The following POM121C variants were observed in gnomAD, a reference collection of about 807,000 sequenced individuals.
POM121C encodes POM121 transmembrane nucleoporin C.
A neutral mutation model predicts 66.4 loss-of-function variants in POM121C; 20 were observed. The ratio of observed to expected loss-of-function variants is 0.30; its 90% CI spans 0.21 to 0.44. The LOEUF is 0.44. POM121C is among the 20% of genes least tolerant of loss of function. POM121C has a pLI of 1.00. For synonymous variants in POM121C, 286 were observed against 528.0 expected (o/e 0.54, Z 6.28); for missense variants, 580 against 1,225.7 (o/e 0.47, Z 7.87).
intron 7 of POM121C, among the ~76,000 whole-genome samples, chr7:75,428,235 G>C (rs1278311568): frequency 6.6e-6 from 1 of 152,068 alleles, no homozygotes; most frequent in Non-Finnish European, 1.5e-5. Flanking sequence ...CGCCTCCCTG[G>C]TTCAAGCGAT....
At chr7:75,483,781 T>C (rs1368778423) in intron 1 of POM121C, among the ~76,000 whole-genome samples, 9 of 152,072 alleles carry the variant, frequency 5.9e-5, no homozygotes, top group Non-Finnish European at 1.2e-4. Context: ...TACAGGATAA[T>C]GTCTATTTCC....
At position 75,473,879 on chromosome 7, in the gene POM121C, G is replaced by A. The variant is rs587656557; in HGVS notation, c.-152+825C>T. 8.6e-4 allele frequency among the ~76,000 whole-genome samples: 131 copies of A among 151,862 alleles called. 1 individual carries two copies. The highest frequency in any genetic ancestry group is 2.5e-3 in the East Asian group (13 of 5,120). Reference sequence around the variant, plus strand: ...AATTTTTTGTATTTTTAGTAGAGACGGGGTTTCACCGTTTTAGCCGGGATG... The same window carrying A: ...AATTTTTTGTATTTTTAGTAGAGACAGGGTTTCACCGTTTTAGCCGGGATG... On this transcript the variant is annotated intron_variant, in intron 3 of 14. Transcript: ENST00000615331.
chr7:75,469,340 CT>C (rs1791789544), intron 3 of POM121C, among the ~76,000 whole-genome samples: 1 of 152,236 alleles, frequency 6.6e-6, no homozygotes, highest in East Asian at 1.9e-4. Flanking sequence ...TCAAGTGATC[CT>C]CCTGCCTTGG....
rs1445894988 is a variant in POM121C, at chr7:75,441,045, T to G, written c.136A>C (p.Thr46Pro). 2 of 1,613,818 alleles carry G rather than the reference T, an allele frequency of 1.2e-6. No homozygotes were observed. Among genetic ancestry groups the G allele is most frequent in the African/African-American group, 1.3e-5 (1 of 74,888 alleles). ...TTCTCTTTGAGGGCACTCAGTACAG[T>G]CTCCTTTGCACATGGGTCTGGGGCA... ...SNAPDPCAKE[T>P]VLSALKEKKK... The change falls in exon 5 of 15, where the codon ACT (threonine) becomes CCT (proline). Residue 46 changes from threonine (T) to proline (P), a missense_variant. Thr to Pro is a conservative substitution (Grantham distance 38). Transcript: ENST00000615331.
chr7:75,451,902 C>G (rs1370453669), intron 3 of POM121C, among the ~76,000 whole-genome samples: 2 of 150,484 alleles, frequency 1.3e-5, no homozygotes, highest in South Asian at 2.1e-4. Context: ...CACGATGGCT[C>G]ACGTCTGTAA....
chr7:75,442,208 A>G, intron 3 of POM121C: 1 of 1,337,936 alleles, frequency 7.5e-7, no homozygotes, highest in East Asian at 3.2e-5. Flanking sequence ...AAAGTGGTGA[A>G]CGCGATGGGT....
intron 3 of POM121C, among the ~76,000 whole-genome samples, chr7:75,470,870 G>A (rs1474823488): frequency 6.6e-6 from 1 of 152,146 alleles, no homozygotes; most frequent in Non-Finnish European, 1.5e-5. Flanking sequence ...CTGGGCTCAA[G>A]TGATCTGCCC....
chr7:75,458,755 A>G (rs1554476640), intron 3 of POM121C, among the ~76,000 whole-genome samples: 1 of 152,138 alleles, frequency 6.6e-6, no homozygotes, highest in East Asian at 1.9e-4. Context: ...CCAGGATAAA[A>G]TTAAAACTTA....
chr7:75,478,413 GA>G (rs1415863179), intron 1 of POM121C, among the ~76,000 whole-genome samples: 2 of 151,756 alleles, frequency 1.3e-5, no homozygotes, highest in African/African-American at 4.8e-5. Flanking sequence ...GATGTGAGGA[GA>G]AAGAGTTGTG....
rs587666152 is a variant in POM121C, at chr7:75,423,957, T to A, written c.1048+92A>T. 5,578 of 1,531,974 alleles carry A rather than the reference T, an allele frequency of 3.6e-3. 19 individuals are homozygous for A. Among genetic ancestry groups the A allele is most frequent in the Middle Eastern group, 0.012 (50 of 4,180 alleles). The allele number at this position is 1,531,974 out of a possible 1,614,324, so 94.9% of individuals were successfully genotyped here. A position where few individuals can be genotyped will look rare whatever the true frequency, so the allele number is the denominator to read the frequency against. ...AGGGTGCGTTCGGCCTGCAGAGCAATCTCCAGCGACTGACAGGCACGACGC... is the reference window on the plus strand; with the variant it reads ...AGGGTGCGTTCGGCCTGCAGAGCAAACTCCAGCGACTGACAGGCACGACGC... On this transcript the variant is annotated intron_variant, in intron 12 of 14. Transcript: ENST00000615331.
chr7:75,481,186 G>T (rs1792298408), intron 1 of POM121C, among the ~76,000 whole-genome samples: 1 of 150,278 alleles, frequency 6.7e-6, no homozygotes, highest in Non-Finnish European at 1.5e-5. Flanking sequence ...AATCTGAAAT[G>T]ATTTCAAAAT....
In POM121C at chr7:75,421,618, G is replaced by C; in HGVS notation, c.2634C>G (p.Ser878=). ...GAGQSGSTAT[S]TPFTGGLGQN... is the part of the protein sequence containing the mutation. ...GACCTAAGCCCCCTGTGAAGGGGGT[G>C]GAGGTGGCTGTGCTCCCACTCTGTC... Residue 878 remains serine (S), a synonymous_variant, in exon 13 of 15, where the codon TCC becomes TCG. Coordinates refer to ENST00000615331, the MANE Select transcript of POM121C (RefSeq NM_001099415.3). 6.2e-7 allele frequency: 1 copy of C among 1,613,538 alleles called. No homozygotes were observed. The highest frequency in any genetic ancestry group is 1.1e-5 in the South Asian group (1 of 91,036).
chr7:75,438,073 T>TA (rs1396006293), intron 6 of POM121C, among the ~76,000 whole-genome samples: 2 of 152,132 alleles, frequency 1.3e-5, no homozygotes, highest in Admixed American at 6.5e-5. Flanking sequence ...TCACATGCTT[T>TA]AAACAAGTAC....
chr7:75,485,910 G>A lies in POM121C; in HGVS notation c.-504C>T. On this transcript the variant is annotated 5_prime_UTR_variant, in exon 1 of 15. Coordinates refer to ENST00000615331, the MANE Select transcript of POM121C (RefSeq NM_001099415.3). ...CTGCCCCACGGCTCCCGAGAGGCCG[G>A]GGCGGGCTGCTGTCGCTGGCGCGCG... 2.0e-6 allele frequency: 1 copy of A among 502,192 alleles called. No individual in the cohort carries two copies. The allele number at this position is 502,192 out of a possible 1,614,324, so 31.1% of individuals were successfully genotyped here.
intron 7 of POM121C, among the ~76,000 whole-genome samples, chr7:75,435,726 A>G (rs1353809824): frequency 5.9e-5 from 9 of 152,238 alleles, no homozygotes; most frequent in African/African-American, 2.2e-4. Context: ...TAATAATGAC[A>G]GTGTTAATAA....
At chr7:75,467,229 A>G (rs1217488468) in intron 3 of POM121C, among the ~76,000 whole-genome samples, 3 of 152,210 alleles carry the variant, frequency 2.0e-5, no homozygotes, top group African/African-American at 7.2e-5. Context: ...GTGCTCAAGT[A>G]TGTTTAAATT....
chr7:75,485,062 C>T (rs1274178040), intron 1 of POM121C, among the ~76,000 whole-genome samples: 1 of 152,054 alleles, frequency 6.6e-6, no homozygotes, highest in East Asian at 1.9e-4. Context: ...CTAGGCTGGT[C>T]TCTAACTCCT....
chr7:75,417,561 A>G lies in POM121C; in HGVS notation c.*1235T>C. The G allele has an allele frequency of 1.0e-6, 1 of 984,918 alleles. No homozygotes were observed. The highest frequency in any genetic ancestry group is 1.2e-6 in the Non-Finnish European group (1 of 829,098). 61.0% of individuals were successfully genotyped at this position (984,918 alleles called of 1,614,324 possible). A position where few individuals can be genotyped will look rare whatever the true frequency, so the allele number is the denominator to read the frequency against. ...ATGTGGTTTCAGAAGGACGGAAGGAAAGGATGGGCTGCAGAGGGCCCTGTT... is the reference window on the plus strand; with the variant it reads ...ATGTGGTTTCAGAAGGACGGAAGGAGAGGATGGGCTGCAGAGGGCCCTGTT... On this transcript the variant is annotated 3_prime_UTR_variant, in exon 15 of 15. Coordinates refer to ENST00000615331, the MANE Select transcript of POM121C (RefSeq NM_001099415.3).
intron 3 of POM121C, among the ~76,000 whole-genome samples, chr7:75,474,235 A>G (rs1791986238): frequency 1.3e-5 from 2 of 152,186 alleles, no homozygotes; most frequent in South Asian, 2.1e-4. Flanking sequence ...CTCTACTAAA[A>G]ATACAAAAAT....
Sources: gnomAD v4.1 joint callset for allele counts (sites outside exome capture counted in the v4.1 genomes callset) on GRCh38, gnomAD v4.1.1 for gene constraint, MANE v1.5 for transcripts, NCBI Gene and HGNC (gene_info 2026-07-23, HGNC 2026-07-21) for gene names.